ZNF804B: variants seen among roughly 807,000 people sequenced by gnomAD.
ZNF804B encodes the protein zinc finger protein 804B.
In ZNF804B, 80 loss-of-function variants were observed where a neutral mutation model predicts 101.4. The observed-to-expected ratio is 0.79, with a 90% CI of 0.66 to 0.95. The LOEUF is 0.95. Ranked by LOEUF, ZNF804B falls within the 40% of genes least tolerant of loss-of-function variation. ZNF804B has a pLI of 0.00. For missense variants in ZNF804B, 1,673 were observed against 1,561.9 expected (o/e 1.07, Z -1.20); for synonymous variants, 622 against 558.8 (o/e 1.11, Z -1.59).
At chr7:89,283,274 TA>T (rs1281131417) in intron 2 of ZNF804B, among the ~76,000 whole-genome samples, 1 of 152,104 alleles carries the variant, frequency 6.6e-6, no homozygotes, top group African/African-American at 2.4e-5. Context: ...ATTAATAAAT[TA>T]AAATGTGGTA....
At chr7:88,855,478 G>A (rs1791540044) in intron 1 of ZNF804B, among the ~76,000 whole-genome samples, 1 of 151,682 alleles carries the variant, frequency 6.6e-6, no homozygotes, top group Non-Finnish European at 1.5e-5. Flanking sequence ...AAATTTGTTT[G>A]AGTTCATCGT....
Position 88,830,022 on chromosome 7 carries a change from A to G in ZNF804B, c.108+69938A>G, listed in dbSNP as rs528881439. 3.9e-5 allele frequency among the ~76,000 whole-genome samples: 6 copies of G among 152,168 alleles called. No individual in the cohort carries two copies. The South Asian group carries it at 6.2e-4, about 16-fold the overall frequency. ...TTATCCCTTGGTTTATGATTTTACA[A>G]TTTCTTGTGTTTCTACTGACGTTTT... On this transcript the variant is annotated intron_variant, in intron 1 of 3. Coordinates refer to ENST00000333190, the MANE Select transcript of ZNF804B (RefSeq NM_181646.5).
chr7:88,896,819 T>C (rs1792291662), intron 1 of ZNF804B, among the ~76,000 whole-genome samples: 1 of 152,250 alleles, frequency 6.6e-6, no homozygotes, highest in Non-Finnish European at 1.5e-5. Context: ...AGAAAGGTTG[T>C]CTTTCAGAAG....
chr7:88,963,187 A>G (rs192294421), intron 1 of ZNF804B, among the ~76,000 whole-genome samples: 1 of 151,188 alleles, frequency 6.6e-6, no homozygotes, highest in Admixed American at 6.6e-5. Flanking sequence ...ATTCATACGG[A>G]CTCTGAAAGG....
chr7:88,838,800 A>G (rs1222546856), intron 1 of ZNF804B, among the ~76,000 whole-genome samples: 1 of 151,976 alleles, frequency 6.6e-6, no homozygotes, highest in Non-Finnish European at 1.5e-5. Flanking sequence ...TCCTTGAACT[A>G]ATAAATATAA....
intron 1 of ZNF804B, among the ~76,000 whole-genome samples, chr7:89,097,663 T>C (rs796410700): frequency 1.1e-4 from 16 of 152,310 alleles, no homozygotes; most frequent in African/African-American, 3.1e-4. Flanking sequence ...AATAATAGTG[T>C]GTATTTTGAA....
chr7:88,885,867 G>A (rs1019333714), intron 1 of ZNF804B, among the ~76,000 whole-genome samples: 1 of 151,864 alleles, frequency 6.6e-6, no homozygotes, highest in African/African-American at 2.4e-5. Context: ...TGCATTATTA[G>A]TTATATTAGC....
intron 1 of ZNF804B, among the ~76,000 whole-genome samples, chr7:88,802,792 G>A (rs1790610980): frequency 6.6e-6 from 1 of 151,418 alleles, no homozygotes. Context: ...TAATGAAGGT[G>A]GAGTATATAC....
intron 1 of ZNF804B, among the ~76,000 whole-genome samples, chr7:88,987,836 A>G (rs1262074549): frequency 6.6e-6 from 1 of 152,050 alleles, no homozygotes; most frequent in Non-Finnish European, 1.5e-5. Flanking sequence ...TTATTGTGCT[A>G]CTGAATGCTG....
chr7:89,022,749 A>G (rs1241974792), intron 1 of ZNF804B, among the ~76,000 whole-genome samples: 3 of 152,222 alleles, frequency 2.0e-5, no homozygotes, highest in Admixed American at 6.5e-5. Flanking sequence ...TTGCTTATCG[A>G]TGAAAGAGAA....
rs141317985 is a variant in ZNF804B, at chr7:89,121,211, T to C, written c.109-96944T>C. On this transcript the variant is annotated intron_variant, in intron 1 of 3. Coordinates refer to ENST00000333190, the MANE Select transcript of ZNF804B (RefSeq NM_181646.5). Reference sequence around the variant, plus strand: ...CTGGCTAGATCAACTATTTGCTTATTTGTTTAGGAGTCATGAAATCCTCTT... The same window carrying C: ...CTGGCTAGATCAACTATTTGCTTATCTGTTTAGGAGTCATGAAATCCTCTT... 2.6e-3 allele frequency among the ~76,000 whole-genome samples: 396 copies of C among 152,314 alleles called. 4 individuals are homozygous for C. The highest frequency in any genetic ancestry group is 0.015 in the Admixed American group (228 of 15,296).
intron 2 of ZNF804B, among the ~76,000 whole-genome samples, chr7:89,284,366 A>G (rs898894392): frequency 1.3e-5 from 2 of 152,194 alleles, no homozygotes; most frequent in Non-Finnish European, 2.9e-5. Context: ...TTGAGTAACC[A>G]TGGGACCCAT....
chr7:88,827,162 AG>A (rs1455178055), intron 1 of ZNF804B, among the ~76,000 whole-genome samples: 1 of 152,064 alleles, frequency 6.6e-6, no homozygotes, highest in Admixed American at 6.6e-5. Flanking sequence ...TTTTAATTAT[AG>A]AACTTTTAGA....
At chr7:88,975,967 G>A (rs1584049226) in intron 1 of ZNF804B, among the ~76,000 whole-genome samples, 1 of 151,334 alleles carries the variant, frequency 6.6e-6, no homozygotes, top group South Asian at 2.1e-4. Flanking sequence ...GTGAGAGATA[G>A]GGGTTCATTC....
At chr7:89,094,583 T>C (rs184585307) in intron 1 of ZNF804B, among the ~76,000 whole-genome samples, 80 of 152,308 alleles carry the variant, frequency 5.3e-4, no homozygotes, top group Admixed American at 4.3e-3. Flanking sequence ...CGTTAGTCGC[T>C]GAGATGCAGT....
intron 1 of ZNF804B, among the ~76,000 whole-genome samples, chr7:88,957,499 TCATGCAGAGA>T (rs1793327862): frequency 2.0e-5 from 3 of 151,482 alleles, no homozygotes; most frequent in Admixed American, 1.3e-4. Flanking sequence ...TGTGTTTCTT[TCATGCAGAGA>T]TTATCAAACA....
At chr7:88,951,133 A>G (rs966618298) in intron 1 of ZNF804B, among the ~76,000 whole-genome samples, 44 of 152,010 alleles carry the variant, frequency 2.9e-4, no homozygotes, top group Non-Finnish European at 5.4e-4. Flanking sequence ...GGACTCTAGC[A>G]TGGCAGAAAA....
At chr7:89,180,181 A>T (rs563174702) in intron 1 of ZNF804B, among the ~76,000 whole-genome samples, 2 of 152,202 alleles carry the variant, frequency 1.3e-5, no homozygotes, top group Admixed American at 1.3e-4. Flanking sequence ...TCAAGGTCCA[A>T]GGGCTCTTTA....
At chr7:89,312,261 T>A (rs748477834) in intron 2 of ZNF804B, among the ~76,000 whole-genome samples, 12 of 152,224 alleles carry the variant, frequency 7.9e-5, no homozygotes, top group Non-Finnish European at 1.6e-4. Flanking sequence ...TCTGTAGGCC[T>A]GGCTGTATCG....
Sources: gnomAD v4.1 joint callset for allele counts (sites outside exome capture counted in the v4.1 genomes callset) on GRCh38, gnomAD v4.1.1 for gene constraint, MANE v1.5 for transcripts, NCBI Gene and HGNC (gene_info 2026-07-23, HGNC 2026-07-21) for gene names.